Variants in AP2A2 observed in about 807,000 individuals in gnomAD.
AP2A2 encodes AP-2 complex subunit alpha-2.
In AP2A2, 32 loss-of-function variants were observed where a neutral mutation model predicts 104.2. That is an observed-to-expected ratio of 0.31 (90% CI 0.23 to 0.41). AP2A2 has a LOEUF of 0.41. Ranked by LOEUF, AP2A2 falls within the 10% of genes least tolerant of loss-of-function variation. AP2A2 has a pLI of 1.00. For synonymous variants in AP2A2, 539 were observed against 533.3 expected (o/e 1.01, Z -0.15); for missense variants, 912 against 1,261.0 (o/e 0.72, Z 4.19).
intron 21 of AP2A2, 37 bp downstream of exon 21, chr11:1,009,854 T>C: frequency 6.6e-7 from 1 of 1,523,242 alleles, no homozygotes; most frequent in Non-Finnish European, 8.9e-7. Flanking sequence ...ACACTTGAGT[T>C]GCTTTTTATT....
chr11:966,951 G>A lies in AP2A2; in HGVS notation c.137-3218G>A, dbSNP rs539819915. Among the ~76,000 whole-genome samples the A allele has an allele frequency of 7.2e-5, 11 of 152,236 alleles. No individual in the cohort carries two copies. The East Asian group carries it at 1.7e-3, about 24-fold the overall frequency. ...TAGGAGGCCGAGGAGGGCAGATCAC[G>A]AGGTCAGGAGTTTGAGACCAGCCTG... is the stretch of plus-strand genomic sequence containing the variant. On this transcript the variant is annotated intron_variant, in intron 2 of 21. Coordinates refer to ENST00000448903, the MANE Select transcript of AP2A2 (RefSeq NM_012305.4).
rs746259191 is a variant in AP2A2 at position 993,266 on chromosome 11, ATTGT to A, written c.1453-13_1453-10del. On this transcript the variant is annotated splice_polypyrimidine_tract_variant and intron_variant, in intron 11 of 21. Transcript: ENST00000448903. This position sits in a 1 kb window ranked among gnomAD's most constrained non-coding sequence, Gnocchi z 8.2. ...TGGCACCTGGCTGCCACCCCGGCTC[ATTGT>A]TTGTGCTTCGCAGGCTCTTCAGGCT... The A allele has an allele frequency of 1.8e-5, 29 of 1,595,510 alleles. No individual in the cohort carries two copies. Among genetic ancestry groups the A allele is most frequent in the Non-Finnish European group, 2.2e-5 (26 of 1,173,034 alleles).
intron 4 of AP2A2, among the ~76,000 whole-genome samples, chr11:976,480 C>G (rs1855042040): frequency 6.6e-6 from 1 of 152,102 alleles, no homozygotes; most frequent in South Asian, 2.1e-4. Context: ...TGTTGCCTTC[C>G]CAGCTGCTTA....
rs777017190 is a variant in AP2A2 at position 1,009,194 on chromosome 11, C to G, written c.2515C>G (p.Gln839Glu). 5 of 1,613,630 alleles carry G rather than the reference C, an allele frequency of 3.1e-6. No individual in the cohort carries two copies. The highest frequency in any genetic ancestry group is 4.2e-6 in the Non-Finnish European group (5 of 1,179,856). The change falls in exon 19 of 22, where the codon CAA (glutamine) becomes GAA (glutamate). Residue 839 changes from glutamine to glutamate, a missense_variant. Around this residue, in one of 7 missense-constraint regions of AP2A2, gnomAD observed 239 missense variants for 329.8 expected, o/e 0.72. Transcript: ENST00000448903. The stretch of plus-strand genomic sequence containing the variant: ...AGAAATGGCTTCTCAGGATTTCTTT[C>G]AACGTTGGAAGCAGTTGAGCAAGTG... ...PTEMASQDFF[Q>E]RWKQLSNPQQ...
chr11:939,897 T>C (rs114085214), intron 1 of AP2A2, among the ~76,000 whole-genome samples: 4,254 of 151,946 alleles, frequency 0.028, 205 homozygotes, highest in African/African-American at 0.095. Context: ...AGTTCAACTT[T>C]TGGGTCAGTT....
chr11:927,766 C>G (rs543198639), intron 1 of AP2A2, among the ~76,000 whole-genome samples: 90 of 128,176 alleles, frequency 7.0e-4, no homozygotes, highest in African/African-American at 2.6e-3. Context: ...CTGCAGTGAG[C>G]TGAGATCGCG....
At chr11:926,141 G>C in intron 1 of AP2A2, 53 bp downstream of exon 1, 1 of 1,189,378 alleles carries the variant, frequency 8.4e-7, no homozygotes, top group Non-Finnish European at 1.1e-6. Context: ...GCGGAGACGG[G>C]GTCTGGGAGC....
At chr11:1,008,198 C>T (rs1856275777) in intron 18 of AP2A2, 63 bp downstream of exon 18, 2 of 1,513,446 alleles carry the variant, frequency 1.3e-6, no homozygotes. Flanking sequence ...TGTGCCTGGG[C>T]TCCATGACTG....
At chr11:929,519 T>G (rs1246007772) in intron 1 of AP2A2, among the ~76,000 whole-genome samples, 1 of 152,256 alleles carries the variant, frequency 6.6e-6, no homozygotes, top group Non-Finnish European at 1.5e-5. Context: ...GGGCGGATTT[T>G]GAGCTGAAAT....
chr11:937,694 T>C (rs960250473), intron 1 of AP2A2, among the ~76,000 whole-genome samples: 4 of 152,134 alleles, frequency 2.6e-5, no homozygotes, highest in African/African-American at 9.7e-5. Flanking sequence ...GAATATCTCA[T>C]GTAATTTATT....
Position 977,321 on chromosome 11 carries a change from G to T in AP2A2, c.603+97G>T, listed in dbSNP as rs551684477. On this transcript the variant is annotated intron_variant, in intron 5 of 21. Coordinates refer to ENST00000448903, the MANE Select transcript of AP2A2 (RefSeq NM_012305.4). ...TGGTGCGCCTTCTCGGGATGCCCAG[G>T]AGAGGCTGTCACAGGGGCTGCTGTG... The T allele has an allele frequency of 1.2e-5, 17 of 1,464,450 alleles. No individual in the cohort carries two copies. The East Asian group carries it at 3.7e-4, about 32-fold the overall frequency. The allele number at this position is 1,464,450 out of a possible 1,614,324, so 90.7% of individuals were successfully genotyped here. A position where few individuals can be genotyped will look rare whatever the true frequency, so the allele number is the denominator to read the frequency against.
intron 4 of AP2A2, among the ~76,000 whole-genome samples, chr11:974,890 C>T (rs1020842125): frequency 6.6e-6 from 1 of 152,128 alleles, no homozygotes; most frequent in Admixed American, 6.6e-5. Context: ...GAGGCTGAGG[C>T]AGGAGAATCG....
intron 1 of AP2A2, among the ~76,000 whole-genome samples, chr11:930,551 C>T (rs902789443): frequency 3.9e-4 from 59 of 151,178 alleles, no homozygotes; most frequent in Non-Finnish European, 6.6e-4. Context: ...GACGGAGTTG[C>T]GCTCTGTCGC....
At chr11:936,229 T>A (rs1487411090) in intron 1 of AP2A2, among the ~76,000 whole-genome samples, 2 of 140,806 alleles carry the variant, frequency 1.4e-5, no homozygotes, top group African/African-American at 2.8e-5. Flanking sequence ...TTTTTTTTTT[T>A]AAAGATATAG....
At chr11:965,460 A>C (rs1179436697) in intron 2 of AP2A2, among the ~76,000 whole-genome samples, 1 of 152,238 alleles carries the variant, frequency 6.6e-6, no homozygotes, top group African/African-American at 2.4e-5. Context: ...TGTGATCTTT[A>C]TCCTTTAATG....
intron 6 of AP2A2, 88 bp from the exon 7 acceptor site, chr11:984,557 C>G: frequency 9.1e-7 from 1 of 1,103,354 alleles, no homozygotes; most frequent in Non-Finnish European, 1.4e-6. Flanking sequence ...TCAGGCGTGA[C>G]CCGAGGAGTG....
At chr11:956,390 T>C (rs2134549498) in intron 1 of AP2A2, among the ~76,000 whole-genome samples, 1 of 152,266 alleles carries the variant, frequency 6.6e-6, no homozygotes, top group East Asian at 1.9e-4. Context: ...CTCCAACTCC[T>C]GACCTCAGGC....
In AP2A2 at chr11:993,136, G is replaced by T. The variant is rs1462576388; in HGVS notation, c.1453-148G>T. 7 of 626,118 alleles carry T rather than the reference G, an allele frequency of 1.1e-5. No individual in the cohort carries two copies. In the Admixed American group the frequency reaches 2.2e-4, roughly 20 times the overall value. 38.8% of individuals were successfully genotyped at this position (626,118 alleles called of 1,614,324 possible). ...TGCTGACACAGGTACTGAGGGTGCT[G>T]AGGAAGGCAGGGATGGGCACTTGGA... On this transcript the variant is annotated intron_variant, in intron 11 of 21. Coordinates refer to ENST00000448903, the MANE Select transcript of AP2A2 (RefSeq NM_012305.4). This position sits in a 1 kb window ranked among gnomAD's most constrained non-coding sequence, Gnocchi z 8.2.
chr11:1,000,661 G>A, intron 15 of AP2A2, 63 bp downstream of exon 15: 7 of 1,484,682 alleles, frequency 4.7e-6, no homozygotes, highest in Non-Finnish European at 6.3e-6. Context: ...GACTTCTGGT[G>A]TGGCCGCGGC....
Sources: gnomAD v4.1 joint callset for allele counts (sites outside exome capture counted in the v4.1 genomes callset) on GRCh38, gnomAD v4.1.1 for gene constraint, gnomAD v4.1.1 regional missense constraint, Gnocchi (gnomAD v3.1) non-coding constraint, MANE v1.5 for transcripts, NCBI Gene and HGNC (gene_info 2026-07-23, HGNC 2026-07-21) for gene names.